The following IGHMBP2 variants were observed in gnomAD, a reference collection of about 807,000 sequenced individuals.
The protein encoded by IGHMBP2 is DNA-binding protein SMUBP-2.
A neutral mutation model predicts 96.0 loss-of-function variants in IGHMBP2; 81 were observed. That is an observed-to-expected ratio of 0.84 (90% CI 0.71 to 1.01). IGHMBP2 has a LOEUF of 1.01. Ranked by LOEUF, IGHMBP2 falls within the 50% of genes least tolerant of loss-of-function variation. The pLI is 0.00. For missense variants in IGHMBP2, 1,227 were observed against 1,306.3 expected, an observed-to-expected ratio of 0.94 and a Z score of 0.94; for synonymous variants, 557 against 548.9, an observed-to-expected ratio of 1.01 and a Z score of -0.21.
Position 68,923,351 on chromosome 11 carries a change from C to T in IGHMBP2, c.1060+5468C>T, listed in dbSNP as rs478062. ...CCGAGTAGCTGGGACTACAGGCATG[C>T]GCTACCATGCCCGGCTAATTTTTGT... On this transcript the variant is annotated intron_variant, in intron 7 of 14. Transcript: ENST00000255078. 1.0e-2 allele frequency among the ~76,000 whole-genome samples: 1,516 copies of T among 152,094 alleles called. 28 individuals carry two copies. The highest frequency in any genetic ancestry group is 0.035 in the African/African-American group (1,440 of 41,492).
chr11:68,933,366 G>T lies in IGHMBP2; in HGVS notation c.1303G>T (p.Val435Leu), dbSNP rs1167405720. 1 of 1,613,194 alleles carries T rather than the reference G, an allele frequency of 6.2e-7. No homozygotes were observed. The highest frequency in any genetic ancestry group is 8.5e-7 in the Non-Finnish European group (1 of 1,179,894). Residue 435 changes from valine to leucine, a missense_variant, in exon 9 of 15, where the codon GTG becomes TTG. Val to Leu is a conservative substitution (Grantham distance 32). Coordinates refer to ENST00000255078, the MANE Select transcript of IGHMBP2 (RefSeq NM_002180.3). ...RLAEEYGARV[V>L]RTLTVQYRMH... ...GGCTGAGGAGTACGGCGCGAGGGTG[G>T]TGCGGACACTGACGGTGCAGTACCG...
rs1019957486 is a variant in IGHMBP2, at chr11:68,935,347, A to G, written c.1681A>G (p.Ile561Val). The G allele has an allele frequency of 5.0e-6, 8 of 1,614,072 alleles. No homozygotes were observed. The highest frequency in any genetic ancestry group is 5.9e-6 in the Non-Finnish European group (7 of 1,180,048). ...TGTGCACAGGCACCCTGAGCTTGAA[A>G]TCAAGTCTGTCGATGGCTTCCAAGG... ...SLVHRHPELEIKSVDGFQGRE... is the reference protein window; with the variant it reads ...SLVHRHPELEVKSVDGFQGRE... Residue 561 changes from isoleucine to valine, a missense_variant, in exon 12 of 15, where the codon ATC becomes GTC. Physicochemically the swap from Ile to Val is conservative, Grantham distance 29. Coordinates refer to ENST00000255078, the MANE Select transcript of IGHMBP2 (RefSeq NM_002180.3).
intron 7 of IGHMBP2, among the ~76,000 whole-genome samples, chr11:68,924,994 A>G (rs1859009683): frequency 2.6e-5 from 4 of 151,996 alleles, no homozygotes; most frequent in Admixed American, 2.6e-4. Context: ...GCTATTGTCA[A>G]TGTTAGCATA....
intron 4 of IGHMBP2, among the ~76,000 whole-genome samples, chr11:68,909,633 T>C (rs1275166710): frequency 2.6e-5 from 4 of 151,254 alleles, no homozygotes; most frequent in Admixed American, 1.3e-4. Context: ...AAAAATCTTT[T>C]TTTTTTTTTT....
Position 68,914,853 on chromosome 11 carries a change from G to A in IGHMBP2, c.742G>A (p.Val248Met), listed in dbSNP as rs201112136. Residue 248 changes from valine (V) to methionine (M), a missense_variant, in exon 6 of 15, where the codon GTG becomes ATG. This residue lies in a region of IGHMBP2 where 507 missense variants were observed against 496.9 expected (regional missense o/e 1.02). Coordinates refer to ENST00000255078, the MANE Select transcript of IGHMBP2 (RefSeq NM_002180.3). Reference sequence around the variant, plus strand: ...GTGCTGCGCCCCCTCCAACATCGCCGTGGACAATCTGGTGGAGCGCCTGGC... The same window carrying A: ...GTGCTGCGCCCCCTCCAACATCGCCATGGACAATCTGGTGGAGCGCCTGGC... ...VLCCAPSNIA[V>M]DNLVERLALC... 3.0e-5 allele frequency: 49 copies of A among 1,614,236 alleles called. No homozygotes were observed. The highest frequency in any genetic ancestry group is 3.6e-5 in the Non-Finnish European group (42 of 1,180,048).
intron 5 of IGHMBP2, among the ~76,000 whole-genome samples, chr11:68,914,325 G>T (rs1231784982): frequency 1.3e-5 from 2 of 152,068 alleles, no homozygotes; most frequent in Non-Finnish European, 2.9e-5. Flanking sequence ...AAAATATAGT[G>T]GAGCTACAGT....
chr11:68,912,277 G>A lies in IGHMBP2; in HGVS notation c.711+674G>A, dbSNP rs577647251. ...CTCCCGAACAGCTGGGATTATAGGCGTGCGCCACCATGCCTGGCTAATTTT... is the reference window on the plus strand; with the variant it reads ...CTCCCGAACAGCTGGGATTATAGGCATGCGCCACCATGCCTGGCTAATTTT... On this transcript the variant is annotated intron_variant, in intron 5 of 14. Transcript: ENST00000255078. 2.4e-4 allele frequency among the ~76,000 whole-genome samples: 37 copies of A among 152,120 alleles called. No individual in the cohort carries two copies. In the East Asian group the frequency reaches 6.4e-3, roughly 26 times the overall value.
At chr11:68,920,152 G>A (rs1378753307) in intron 7 of IGHMBP2, among the ~76,000 whole-genome samples, 1 of 152,206 alleles carries the variant, frequency 6.6e-6, no homozygotes, top group Non-Finnish European at 1.5e-5. Context: ...GTGGAACCAT[G>A]CAGGATTTGT....
intron 6 of IGHMBP2, among the ~76,000 whole-genome samples, chr11:68,917,387 T>C (rs483626): frequency 0.47 from 71,651 of 152,064 alleles, 17,686 homozygotes; most frequent in Middle Eastern, 0.56. Context: ...TCAGTCTCTC[T>C]ATTCGTAAGC....
chr11:68,936,046 AG>A (rs1348828322), intron 12 of IGHMBP2, among the ~76,000 whole-genome samples, 190 bp from the exon 13 acceptor site: 2 of 152,230 alleles, frequency 1.3e-5, no homozygotes, highest in Non-Finnish European at 2.9e-5. Flanking sequence ...AGCCCCACTC[AG>A]TCAGCCGTGG....
Position 68,922,317 on chromosome 11 carries a change from A to C in IGHMBP2, c.1060+4434A>C, listed in dbSNP as rs181904219. Reference sequence around the variant, plus strand: ...GGACGACAGAGCCAGACTCCGTCTCAAAAAAAAAAAGAAAGAAAATGATGC... The same window carrying C: ...GGACGACAGAGCCAGACTCCGTCTCCAAAAAAAAAAGAAAGAAAATGATGC... On this transcript the variant is annotated intron_variant, in intron 7 of 14. Transcript: ENST00000255078. Among the ~76,000 whole-genome samples the C allele has an allele frequency of 8.2e-5, 12 of 146,506 alleles. No individual in the cohort carries two copies. The East Asian group carries it at 2.2e-3, about 26-fold the overall frequency.
At position 68,908,908 on chromosome 11, in the gene IGHMBP2, T is replaced by A. The variant is rs572539485; in HGVS notation, c.547+277T>A. Among the ~76,000 whole-genome samples, 3 of 151,068 alleles carry A rather than the reference T, an allele frequency of 2.0e-5. No homozygotes were observed. In the South Asian group the frequency reaches 6.4e-4, roughly 32 times the overall value. Reference sequence around the variant, plus strand: ...CAGGCTGGAGTGCAGTGGCGCGATCTCAGCTCATTGCAAACTCCGCCTCCC... The same window carrying A: ...CAGGCTGGAGTGCAGTGGCGCGATCACAGCTCATTGCAAACTCCGCCTCCC... On this transcript the variant is annotated intron_variant, in intron 4 of 14. Coordinates refer to ENST00000255078, the MANE Select transcript of IGHMBP2 (RefSeq NM_002180.3).
chr11:68,938,473 A>C, intron 14 of IGHMBP2, 119 bp downstream of exon 14: 1 of 805,266 alleles, frequency 1.2e-6, no homozygotes, highest in Non-Finnish European at 1.9e-6. Flanking sequence ...TACAATCTCC[A>C]GATACCTTCA....
chr11:68,929,967 G>A, intron 8 of IGHMBP2: 2 of 507,308 alleles, frequency 3.9e-6, no homozygotes, highest in Non-Finnish European at 4.8e-6. Context: ...AGTGCTGCCC[G>A]CCCCCCCAGC....
chr11:68,936,251 C>T lies in IGHMBP2; in HGVS notation c.1771C>T (p.Leu591Phe). ...GCCTTTTGTAGGTGAAGTTGGTTTT[C>T]TTGCTGAGGACCGGAGGATCAACGT... ...RSNRKGEVGF[L>F]AEDRRINVAV... Residue 591 changes from leucine (L) to phenylalanine (F), a missense_variant, in exon 13 of 15, where the codon CTT becomes TTT. Leu to Phe is a conservative substitution (Grantham distance 22). Around this residue, in one of 3 missense-constraint regions of IGHMBP2, gnomAD observed 703 missense variants for 770.3 expected, o/e 0.91. Transcript: ENST00000255078. 3 of 1,614,158 alleles carry T rather than the reference C, an allele frequency of 1.9e-6. No homozygotes were observed. The highest frequency in any genetic ancestry group is 2.5e-6 in the Non-Finnish European group (3 of 1,180,034).
At chr11:68,912,868 C>T (rs957246402) in intron 5 of IGHMBP2, among the ~76,000 whole-genome samples, 1 of 151,026 alleles carries the variant, frequency 6.6e-6, no homozygotes. Flanking sequence ...GGTGAAACCC[C>T]GTCTCTACTA....
Position 68,911,803 on chromosome 11 carries a change from G to A in IGHMBP2, c.711+200G>A, listed in dbSNP as rs1216947470. ...GTCTTGGGGAGCACGCGCAGGAGCC[G>A]TAGCCTGGGTTGTTGAGGAAGGCTC... is the stretch of plus-strand genomic sequence containing the variant. On this transcript the variant is annotated intron_variant, in intron 5 of 14. Transcript: ENST00000255078. Among the ~76,000 whole-genome samples, 6 of 152,374 alleles carry A rather than the reference G, an allele frequency of 3.9e-5. No homozygotes were observed. The Middle Eastern group carries it at 0.01, about 259-fold the overall frequency.
chr11:68,916,775 C>G lies in IGHMBP2; in HGVS notation c.913-961C>G, dbSNP rs1401217901. ...CTGGGAGGGGGAGGAAGGATAGATG[C>G]ATGTCATGCAGGTTCGAGGTGGTGG... On this transcript the variant is annotated intron_variant, in intron 6 of 14. Transcript: ENST00000255078. 2.0e-5 allele frequency among the ~76,000 whole-genome samples: 3 copies of G among 152,008 alleles called. No individual in the cohort carries two copies. The East Asian group carries it at 5.8e-4, about 29-fold the overall frequency.
rs946450534 is a variant in IGHMBP2 at position 68,933,493 on chromosome 11, G to A, written c.1418+12G>A. ...AGGCACCTCCTGAGGTGAGTAGCTC[G>A]GCACCACCCGCCGCCCCATCCTTCT... On this transcript the variant is annotated intron_variant, in intron 9 of 14. Coordinates refer to ENST00000255078, the MANE Select transcript of IGHMBP2 (RefSeq NM_002180.3). 15 of 1,607,728 alleles carry A rather than the reference G, an allele frequency of 9.3e-6. No homozygotes were observed. The highest frequency in any genetic ancestry group is 2.7e-5 in the African/African-American group (2 of 74,852).
Sources: gnomAD v4.1 joint callset for allele counts (sites outside exome capture counted in the v4.1 genomes callset) on GRCh38, gnomAD v4.1.1 for gene constraint, gnomAD v4.1.1 regional missense constraint, MANE v1.5 for transcripts, NCBI Gene and HGNC (gene_info 2026-07-23, HGNC 2026-07-21) for gene names.